LRP5: variants seen among roughly 807,000 people sequenced by gnomAD.
LRP5 encodes the protein low-density lipoprotein receptor-related protein 5.
Under a neutral mutation model 154.1 loss-of-function variants are expected in LRP5, and 62 were observed. The ratio of observed to expected loss-of-function variants is 0.40; its 90% CI spans 0.33 to 0.50. The LOEUF (loss-of-function observed/expected upper bound fraction) is 0.50, where lower values mean the gene tolerates loss of function less well. Among genes scored for constraint, LRP5 ranks in the 20% least tolerant of loss-of-function variants. The pLI, the probability that LRP5 is intolerant of heterozygous loss-of-function variation, is 0.55. For synonymous variants in LRP5, 966 were observed against 1,011.5 expected (o/e 0.96, Z 0.85); for missense variants, 1,915 against 2,336.7 (o/e 0.82, Z 3.72).
upstream of LRP5, among the ~76,000 whole-genome samples, chr11:68,308,556 C>T (rs115705667): frequency 1.7e-3 from 254 of 152,254 alleles, 1 homozygote; most frequent in African/African-American, 2.8e-3. Flanking sequence ...GCACATCCTC[C>T]GGTTACTTAT....
At position 68,446,197 on chromosome 11, in the gene LRP5, C is replaced by T. The variant is rs142772908; in HGVS notation, c.4489-239C>T. Among the ~76,000 whole-genome samples, 1,835 of 152,316 alleles carry T rather than the reference C, an allele frequency of 0.012. 13 individuals are homozygous for T. The highest frequency in any genetic ancestry group is 0.018 in the African/African-American group (746 of 41,580). On this transcript the variant is annotated intron_variant, in intron 21 of 22. Transcript: ENST00000294304. ...CACAAGGCAGGTACTTGGAAGGGCG[C>T]GGGCACCTGGGCCAAAAGTGCCTGG...
At chr11:68,317,900 G>C (rs2098594361) in intron 1 of LRP5, among the ~76,000 whole-genome samples, 1 of 152,074 alleles carries the variant, frequency 6.6e-6, no homozygotes, top group African/African-American at 2.4e-5. Context: ...TCTCGTGCTT[G>C]GGGTCTCTTG....
intron 2 of LRP5, among the ~76,000 whole-genome samples, chr11:68,357,219 G>A (rs568235613): frequency 3.9e-5 from 6 of 152,260 alleles, no homozygotes; most frequent in African/African-American, 1.4e-4. Context: ...AGAGGTGTGA[G>A]CCACTGGGCC....
At chr11:68,436,553 A>G (rs182797077) in intron 18 of LRP5, among the ~76,000 whole-genome samples, 27 of 148,278 alleles carry the variant, frequency 1.8e-4, no homozygotes, top group Middle Eastern at 3.5e-3. Flanking sequence ...CTTGGCACCC[A>G]CCCCCCCACC....
At chr11:68,309,711 G>A (rs1368607658), upstream of LRP5, among the ~76,000 whole-genome samples, 1 of 151,644 alleles carries the variant, frequency 6.6e-6, no homozygotes, top group African/African-American at 2.4e-5. Context: ...CTTTGGGCCA[G>A]TTGTAATGTG....
intron 2 of LRP5, among the ~76,000 whole-genome samples, chr11:68,350,038 C>T (rs2098616923): frequency 6.6e-6 from 1 of 152,172 alleles, no homozygotes; most frequent in African/African-American, 2.4e-5. Flanking sequence ...AGTCTCTCAG[C>T]ACTCCCAGCC....
intron 7 of LRP5, among the ~76,000 whole-genome samples, chr11:68,397,256 T>C (rs895158465): frequency 2.7e-4 from 41 of 152,124 alleles, no homozygotes; most frequent in Non-Finnish European, 5.3e-4. Flanking sequence ...TACCCTGCCC[T>C]TCTCTCCTCT....
intron 7 of LRP5, among the ~76,000 whole-genome samples, chr11:68,400,552 C>T (rs1237362770): frequency 1.6e-5 from 2 of 126,856 alleles, no homozygotes; most frequent in African/African-American, 2.8e-5. Flanking sequence ...GAAACCCCGT[C>T]TCTACTAAAA....
At chr11:68,354,380 C>T (rs1246940680) in intron 2 of LRP5, among the ~76,000 whole-genome samples, 1 of 152,228 alleles carries the variant, frequency 6.6e-6, no homozygotes, top group Non-Finnish European at 1.5e-5. Flanking sequence ...GAATTATGCT[C>T]CATGCGGAGG....
chr11:68,431,520 G>T (rs899640019), intron 17 of LRP5, among the ~76,000 whole-genome samples: 1 of 152,100 alleles, frequency 6.6e-6, no homozygotes, highest in Non-Finnish European at 1.5e-5. Flanking sequence ...GATTACAGGC[G>T]TGAGCCACCA....
At chr11:68,425,472 G>C (rs970300800) in intron 15 of LRP5, among the ~76,000 whole-genome samples, 180 bp downstream of exon 15, 2 of 152,234 alleles carry the variant, frequency 1.3e-5, no homozygotes, top group African/African-American at 4.8e-5. Flanking sequence ...GAGCCCCACA[G>C]GGCAGAGGCA....
chr11:68,385,332 G>T (rs1470705644), intron 5 of LRP5, among the ~76,000 whole-genome samples: 2 of 152,204 alleles, frequency 1.3e-5, no homozygotes, highest in Non-Finnish European at 2.9e-5. Flanking sequence ...CTGGGGGGCA[G>T]CAGAGACCCA....
intron 13 of LRP5, among the ~76,000 whole-genome samples, chr11:68,421,486 C>T (rs181665435): frequency 1.8e-4 from 27 of 152,272 alleles, no homozygotes; most frequent in African/African-American, 6.0e-4. Flanking sequence ...TGGAATCTTG[C>T]TTGTCTTTCA....
intron 9 of LRP5, among the ~76,000 whole-genome samples, chr11:68,409,209 AAATATAT>A (rs1414277742): frequency 1.3e-5 from 1 of 75,026 alleles, no homozygotes; most frequent in Non-Finnish European, 2.9e-5. Context: ...ATTTATAAGT[AAATATAT>A]AATATATAAT....
At chr11:68,307,143 T>C in the LRP5 span, among the ~76,000 whole-genome samples, 3 of 151,654 alleles carry the variant, frequency 2.0e-5, no homozygotes, top group Non-Finnish European at 4.4e-5. Flanking sequence ...GATCTTGCCA[T>C]TGCACTCCAG....
In LRP5 at chr11:68,417,449, CTTTTTTTTT is replaced by C. The variant is rs1161126346; in HGVS notation, c.3027+944_3027+952del. Reference sequence around the variant, plus strand: ...ACATCATTGCATTGGAACAGATTGGCTTTTTTTTTTTTTTTTTTTTTTTTTTTTTTGAGA... The same window carrying C: ...ACATCATTGCATTGGAACAGATTGGCTTTTTTTTTTTTTTTTTTTTTGAGA... On this transcript the variant is annotated intron_variant, in intron 13 of 22. Coordinates refer to ENST00000294304, the MANE Select transcript of LRP5 (RefSeq NM_002335.4). Among the ~76,000 whole-genome samples the C allele has an allele frequency of 1.1e-3, 44 of 41,600 alleles. No individual in the cohort carries two copies. In the South Asian group the frequency reaches 0.014, roughly 14 times the overall value. 27.3% of individuals were successfully genotyped at this position (41,600 alleles called of 152,430 possible).
intron 21 of LRP5, among the ~76,000 whole-genome samples, chr11:68,444,559 C>G (rs2098680428): frequency 7.1e-6 from 1 of 140,668 alleles, no homozygotes; most frequent in African/African-American, 2.7e-5. Flanking sequence ...CGAGTGGCCT[C>G]CCCAGCCCCC....
At chr11:68,351,466 G>T (rs553793705) in intron 2 of LRP5, among the ~76,000 whole-genome samples, 27 of 152,210 alleles carry the variant, frequency 1.8e-4, no homozygotes, top group Non-Finnish European at 3.5e-4. Flanking sequence ...GGGGGCATCT[G>T]CAGTAGTCGG....
At chr11:68,377,700 G>T (rs1348001867) in intron 5 of LRP5, among the ~76,000 whole-genome samples, 1 of 152,214 alleles carries the variant, frequency 6.6e-6, no homozygotes, top group Non-Finnish European at 1.5e-5. Flanking sequence ...CCTGCACCGT[G>T]ACCCCGTTCA....
Sources: gnomAD v4.1 joint callset for allele counts (sites outside exome capture counted in the v4.1 genomes callset) on GRCh38, gnomAD v4.1.1 for gene constraint, MANE v1.5 for transcripts, NCBI Gene and HGNC (gene_info 2026-07-23, HGNC 2026-07-21) for gene names.